SAMD3: variants seen among roughly 807,000 people sequenced by gnomAD.
SAMD3 encodes sterile alpha motif domain containing 3, also known as sterile alpha motif domain-containing protein 3.
SAMD3 carries 63 observed loss-of-function variants against 58.5 expected under a neutral mutation model. That is an observed-to-expected ratio of 1.08 (90% CI 0.88 to 1.33). The LOEUF (loss-of-function observed/expected upper bound fraction) is 1.33. SAMD3 is among the 40% of genes most tolerant of loss of function. The pLI is 0.00. For synonymous variants in SAMD3, 220 were observed against 210.3 expected, an observed-to-expected ratio of 1.05 and a Z score of -0.40; for missense variants, 604 against 608.4, an observed-to-expected ratio of 0.99 and a Z score of 0.08.
intron 9 of SAMD3, among the ~76,000 whole-genome samples, chr6:130,152,545 C>T (rs1469361385): frequency 2.0e-5 from 3 of 151,930 alleles, no homozygotes; most frequent in African/African-American, 4.8e-5. Context: ...GGCGTGGTGG[C>T]GTGCATCCGT....
At chr6:130,331,960 C>T (rs1776947848) in intron 1 of SAMD3, among the ~76,000 whole-genome samples, 1 of 152,272 alleles carries the variant, frequency 6.6e-6, no homozygotes, top group East Asian at 1.9e-4. Context: ...CAGGCATGCT[C>T]TGATTTCTGC....
intron 2 of SAMD3, among the ~76,000 whole-genome samples, chr6:130,236,496 A>G (rs750683244): frequency 1.1e-4 from 16 of 150,952 alleles, no homozygotes; most frequent in Non-Finnish European, 1.5e-4. Context: ...CAATTCTCCT[A>G]CCTCAGCTTC....
intron 1 of SAMD3, among the ~76,000 whole-genome samples, chr6:130,220,114 G>T (rs949911597): frequency 7.2e-5 from 11 of 152,062 alleles, no homozygotes; most frequent in African/African-American, 2.7e-4. Context: ...CCATTCTTTT[G>T]CCTCAGCCTC....
chr6:130,317,471 C>T (rs1776419571), intron 1 of SAMD3, among the ~76,000 whole-genome samples: 1 of 151,940 alleles, frequency 6.6e-6, no homozygotes, highest in African/African-American at 2.4e-5. Context: ...TACATATAAC[C>T]AAATAATTAA....
chr6:130,184,717 C>T lies in SAMD3; in HGVS notation c.384-94G>A, dbSNP rs555246573. On this transcript the variant is annotated intron_variant, in intron 5 of 11. Coordinates refer to ENST00000439090, the MANE Select transcript of SAMD3 (RefSeq NM_001017373.4). ...TCCTGAGAACTTATGAAATAAACAA[C>T]TTTCCTGAGACCCAAATATATGGAA... 22 of 1,043,076 alleles carry T rather than the reference C, an allele frequency of 2.1e-5. No homozygotes were observed. The African/African-American group carries it at 3.0e-4, about 14-fold the overall frequency. The allele number at this position is 1,043,076 out of a possible 1,614,324, so 64.6% of individuals were successfully genotyped here. A position where few individuals can be genotyped will look rare whatever the true frequency, so the allele number is the denominator to read the frequency against.
At chr6:130,353,099 G>C (rs1445390353) in intron 1 of SAMD3, among the ~76,000 whole-genome samples, 5 of 152,124 alleles carry the variant, frequency 3.3e-5, no homozygotes, top group African/African-American at 4.8e-5. Flanking sequence ...AGTTAGAAAG[G>C]CCAGCACTCT....
upstream of SAMD3, among the ~76,000 whole-genome samples, chr6:130,227,788 C>CAA (rs113229702): frequency 5.3e-3 from 674 of 126,660 alleles, 4 homozygotes; most frequent in African/African-American, 0.018. Flanking sequence ...AACTCCATCT[C>CAA]AAAAAAAAAA....
At chr6:130,198,282 C>G (rs1416739310) in intron 5 of SAMD3, among the ~76,000 whole-genome samples, 1 of 152,166 alleles carries the variant, frequency 6.6e-6, no homozygotes, top group African/African-American at 2.4e-5. Context: ...TGACTCACTG[C>G]AGCCTCAAAC....
intron 8 of SAMD3, among the ~76,000 whole-genome samples, chr6:130,157,283 T>TC (rs1460367908): frequency 6.6e-6 from 1 of 151,784 alleles, no homozygotes; most frequent in African/African-American, 2.4e-5. Context: ...AAAACTTTTG[T>TC]CAAAATAAGA....
intron 1 of SAMD3, among the ~76,000 whole-genome samples, chr6:130,346,025 T>C (rs556941842): frequency 6.9e-4 from 105 of 152,384 alleles, no homozygotes; most frequent in African/African-American, 2.5e-3. Context: ...TTTATCTTTT[T>C]GCAATATGCA....
intron 2 of SAMD3, 42 bp from the exon 3 acceptor site, chr6:130,215,336 T>C: frequency 7.4e-7 from 1 of 1,347,700 alleles, no homozygotes. Flanking sequence ...CTTTTCTTTC[T>C]GATTGTGCCT....
rs1458109462 is a variant in SAMD3, at chr6:130,346,507, G to A, written c.-304+18613C>T. ...CCAGTCTGACATCAAACTGCAAGGT[G>A]GCAGTGAGGATGGGGGAGGGGCTCC... is the stretch of plus-strand genomic sequence containing the variant. On this transcript the variant is annotated intron_variant, in intron 1 of 13. Transcript: ENST00000368134. Among the ~76,000 whole-genome samples the A allele has an allele frequency of 7.2e-5, 11 of 152,312 alleles. No homozygotes were observed. The East Asian group carries it at 2.1e-3, about 29-fold the overall frequency.
chr6:130,346,532 C>T lies in SAMD3; in HGVS notation c.-304+18588G>A, dbSNP rs541800469. ...GGCAGTGAGGATGGGGGAGGGGCTC[C>T]GGCCATTGCCCCATTGCTGAGGCTT... On this transcript the variant is annotated intron_variant, in intron 1 of 13. Transcript: ENST00000368134. Among the ~76,000 whole-genome samples, 28 of 152,288 alleles carry T rather than the reference C, an allele frequency of 1.8e-4. No individual in the cohort carries two copies. In the South Asian group the frequency reaches 3.1e-3, roughly 17 times the overall value.
intron 1 of SAMD3, among the ~76,000 whole-genome samples, chr6:130,342,109 A>G (rs1299699278): frequency 2.6e-5 from 4 of 152,176 alleles, no homozygotes; most frequent in Non-Finnish European, 4.4e-5. Context: ...CTCTATGAGC[A>G]TGGGACAAAA....
At chr6:130,178,211 G>T (rs1433386474) in intron 7 of SAMD3, among the ~76,000 whole-genome samples, 1 of 150,892 alleles carries the variant, frequency 6.6e-6, no homozygotes, top group African/African-American at 2.5e-5. Context: ...CCCAACCTCA[G>T]GTAATCTGCG....
chr6:130,214,955 G>T (rs548629347), intron 3 of SAMD3, among the ~76,000 whole-genome samples: 1 of 152,266 alleles, frequency 6.6e-6, no homozygotes, highest in African/African-American at 2.4e-5. Context: ...TGTATTTTAA[G>T]TGACCCGTAA....
At chr6:130,361,821 G>A (rs1203768449) in intron 1 of SAMD3, among the ~76,000 whole-genome samples, 3 of 152,288 alleles carry the variant, frequency 2.0e-5, no homozygotes, top group South Asian at 2.1e-4. Flanking sequence ...CTTGGGTTGG[G>A]GAAGTATCAC....
intron 8 of SAMD3, 86 bp from the exon 9 acceptor site, chr6:130,155,111 T>A: frequency 1.0e-6 from 1 of 987,860 alleles, no homozygotes; most frequent in Non-Finnish European, 1.6e-6. Context: ...TCTTAACTCA[T>A]TCCTAAGGTG....
intron 2 of SAMD3, among the ~76,000 whole-genome samples, chr6:130,237,728 TAAG>T (rs1773215523): frequency 2.6e-5 from 4 of 152,162 alleles, no homozygotes. Flanking sequence ...AAACTACTCG[TAAG>T]TGTCTTAACC....
Sources: allele counts gnomAD v4.1 joint callset (sites outside exome capture counted in the v4.1 genomes callset), GRCh38; gene constraint gnomAD v4.1.1; transcripts MANE v1.5; gene names NCBI Gene and HGNC (gene_info 2026-07-23, HGNC 2026-07-21).